JMJD1C: variants seen among roughly 807,000 people sequenced by gnomAD.
JMJD1C encodes the protein jumonji domain-containing protein 1C.
JMJD1C carries 31 observed loss-of-function variants against 245.3 expected under a neutral mutation model. That is an observed-to-expected ratio of 0.13 (90% CI 0.09 to 0.17). JMJD1C has a LOEUF of 0.17. Ranked by LOEUF, JMJD1C falls within the 10% of genes least tolerant of loss-of-function variation. The probability of loss-of-function intolerance (pLI) is 1.00; values close to 1 mark genes in which losing one functional copy is unlikely to be tolerated. For missense variants in JMJD1C, 2,691 were observed against 3,000.2 expected (o/e 0.90, Z 2.41); for synonymous variants, 1,057 against 1,017.4 (o/e 1.04, Z -0.74).
chr10:63,207,480 C>T lies in JMJD1C; in HGVS notation c.4189G>A (p.Asp1397Asn), dbSNP rs1846774666. Reference protein sequence around the residue: ...AVNTMCNTKTDVITSAADTTS... With the variant: ...AVNTMCNTKTNVITSAADTTS... Reference sequence around the variant, plus strand: ...GTATCGGCAGCAGATGTGATTACATCCGTTTTGGTATTACACATCGTATTT... The same window carrying T: ...GTATCGGCAGCAGATGTGATTACATTCGTTTTGGTATTACACATCGTATTT... Residue 1397 changes from aspartate to asparagine, a missense_variant, in exon 10 of 26, where the codon GAT (aspartate) becomes AAT (asparagine). By Grantham distance (23) the Asp-to-Asn change is conservative. Around this residue, in one of 9 missense-constraint regions of JMJD1C, gnomAD observed 1,562 missense variants for 1,490.7 expected, o/e 1.05. Coordinates refer to ENST00000399262, the MANE Select transcript of JMJD1C (RefSeq NM_032776.3). The T allele has an allele frequency of 6.2e-7, 1 of 1,614,178 alleles. No individual in the cohort carries two copies.
intron 1 of JMJD1C, among the ~76,000 whole-genome samples, chr10:63,444,539 G>A (rs1951581965): frequency 6.6e-6 from 1 of 152,038 alleles, no homozygotes; most frequent in Non-Finnish European, 1.5e-5. Context: ...CTCCCAAAGT[G>A]CTGGGATTAC....
chr10:63,380,441 C>T lies in JMJD1C; in HGVS notation c.210G>A (p.Glu70=). 1 of 1,613,920 alleles carries T rather than the reference C, an allele frequency of 6.2e-7. No homozygotes were observed. Among genetic ancestry groups the T allele is most frequent in the South Asian group, 1.1e-5 (1 of 91,068 alleles). ...EFDDLEWDKR[E]WVKVYEDFST... ...AAAAATCTTCATAAACTTTAACCCA[C>T]TCTCGTTTATCCCATTCAAGATCAT... The change falls in exon 2 of 26, where the codon GAG becomes GAA. Residue 70 remains glutamate (E), a synonymous_variant. Coordinates refer to ENST00000399262, the MANE Select transcript of JMJD1C (RefSeq NM_032776.3).
At chr10:63,444,737 T>C (rs1319843758) in intron 1 of JMJD1C, among the ~76,000 whole-genome samples, 3 of 151,892 alleles carry the variant, frequency 2.0e-5, no homozygotes, top group Non-Finnish European at 4.4e-5. Context: ...GTGATTCTCC[T>C]GCCTCAGCCT....
intron 1 of JMJD1C, among the ~76,000 whole-genome samples, chr10:63,491,560 T>C (rs890816025): frequency 6.6e-6 from 1 of 152,228 alleles, no homozygotes; most frequent in African/African-American, 2.4e-5. Flanking sequence ...CCTCTTTCCT[T>C]TCTATCTCCT....
chr10:63,449,957 T>C (rs564016461), intron 1 of JMJD1C, among the ~76,000 whole-genome samples: 13 of 151,760 alleles, frequency 8.6e-5, no homozygotes, highest in Admixed American at 6.6e-4. Flanking sequence ...CAAAAAAAAT[T>C]TAAAAATTAG....
chr10:63,430,023 GTTTA>G (rs1309052648), intron 1 of JMJD1C, among the ~76,000 whole-genome samples: 1 of 152,144 alleles, frequency 6.6e-6, no homozygotes, highest in African/African-American at 2.4e-5. Context: ...AAAAAATCAT[GTTTA>G]TTTATGCACA....
intron 3 of JMJD1C, among the ~76,000 whole-genome samples, chr10:63,234,510 A>ACAAAC (rs1564654868): frequency 1.3e-5 from 2 of 149,822 alleles, no homozygotes; most frequent in Admixed American, 6.6e-5. Context: ...AAAAAAAAAA[A>ACAAAC]AAAAAAAAAA....
chr10:63,356,763 G>A (rs1159070955), intron 2 of JMJD1C, among the ~76,000 whole-genome samples: 1 of 152,178 alleles, frequency 6.6e-6, no homozygotes, highest in Admixed American at 6.5e-5. Context: ...CTGAGAACAT[G>A]TAACAATCTG....
chr10:63,394,425 A>G (rs1366810253), intron 1 of JMJD1C, among the ~76,000 whole-genome samples: 1 of 152,234 alleles, frequency 6.6e-6, no homozygotes, highest in East Asian at 1.9e-4. Flanking sequence ...CTATATACAA[A>G]AATTAGACTG....
At position 63,316,322 on chromosome 10, in the gene JMJD1C, T is replaced by C. The variant is rs185626746; in HGVS notation, c.334-51558A>G. Among the ~76,000 whole-genome samples the C allele has an allele frequency of 2.7e-4, 41 of 152,376 alleles. 1 individual carries two copies. Among genetic ancestry groups the C allele is most frequent in the African/African-American group, 8.9e-4 (37 of 41,598 alleles). ...TCCGAAAGTAATGTGCCTTGATTCA[T>C]TGGCTGCTTTTGGCATTTTATACTT... On this transcript the variant is annotated intron_variant, in intron 2 of 25. Transcript: ENST00000399262.
chr10:63,407,917 AAGT>A (rs1234840544), intron 1 of JMJD1C, among the ~76,000 whole-genome samples: 1 of 152,082 alleles, frequency 6.6e-6, no homozygotes, highest in African/African-American at 2.4e-5. Context: ...AAATTTTTCC[AAGT>A]AGAACATAAA....
chr10:63,249,651 G>A (rs1852767540), intron 3 of JMJD1C, among the ~76,000 whole-genome samples: 1 of 152,120 alleles, frequency 6.6e-6, no homozygotes. Flanking sequence ...ACAAGGTCAG[G>A]AGTTCCAGAC....
chr10:63,303,060 C>T (rs7073753), intron 2 of JMJD1C, among the ~76,000 whole-genome samples: 58,381 of 151,500 alleles, frequency 0.39, 11,579 homozygotes, highest in South Asian at 0.5. Context: ...GAAACTTTCT[C>T]GAAACTCAAA....
At position 63,264,757 on chromosome 10, in the gene JMJD1C, T is replaced by C. The variant is rs773789566; in HGVS notation, c.341A>G (p.Lys114Arg). The C allele has an allele frequency of 8.4e-6, 13 of 1,546,946 alleles. No individual in the cohort carries two copies. The East Asian group carries it at 2.0e-4, about 24-fold the overall frequency. ...GGGTATATTTCTTTCAACCAGAGGT[T>C]TGAAAGTCTGCCAAGAAAAAAAAAA... ...KQIQWPALTF[K>R]PLVERNIPSS... Residue 114 changes from lysine (K) to arginine (R), a missense_variant, in exon 3 of 26, where the codon AAA (lysine) becomes AGA (arginine). By Grantham distance (26) the Lys-to-Arg change is conservative (BLOSUM62 2). Coordinates refer to ENST00000399262, the MANE Select transcript of JMJD1C (RefSeq NM_032776.3).
At position 63,214,097 on chromosome 10, in the gene JMJD1C, A is replaced by G; in HGVS notation, c.2070T>C (p.Pro690=). 1 of 1,614,212 alleles carries G rather than the reference A, an allele frequency of 6.2e-7. No homozygotes were observed. Among genetic ancestry groups the G allele is most frequent in the Non-Finnish European group, 8.5e-7 (1 of 1,180,008 alleles). Residue 690 remains proline, a synonymous_variant, in exon 8 of 26, where the codon CCT becomes CCC. Transcript: ENST00000399262. ...ELSRCSFHPI[P]TRSSTLETTK... is the part of the protein sequence containing the mutation. The stretch of plus-strand genomic sequence containing the variant: ...TAGTTTCTAATGTACTGCTTCGAGT[A>G]GGAATTGGATGAAAACTGCATCTTG...
At chr10:63,410,321 T>C (rs1000801671) in intron 1 of JMJD1C, among the ~76,000 whole-genome samples, 15 of 152,220 alleles carry the variant, frequency 9.9e-5, no homozygotes, top group African/African-American at 3.4e-4. Flanking sequence ...CATCTATGGA[T>C]TTCTCCTAAA....
intron 3 of JMJD1C, among the ~76,000 whole-genome samples, chr10:63,233,324 C>G (rs1171061863): frequency 6.6e-6 from 1 of 152,008 alleles, no homozygotes; most frequent in African/African-American, 2.4e-5. Flanking sequence ...GCATATTTCC[C>G]TAAGGATAAA....
rs1043580069 is a variant in JMJD1C at position 63,222,570 on chromosome 10, C to A, written c.448-2587G>T. 1.0e-5 allele frequency: 16 copies of A among 1,589,410 alleles called. No homozygotes were observed. In the African/African-American group the frequency reaches 2.0e-4, roughly 20 times the overall value. On this transcript the variant is annotated intron_variant, in intron 3 of 25. Transcript: ENST00000399262. ...TACTGTGAAAAACAGTTTGAACTGT[C>A]AGAACAAACAAAATTACCAATGTTT...
At chr10:63,452,413 T>C (rs1258579954) in intron 1 of JMJD1C, among the ~76,000 whole-genome samples, 3 of 152,216 alleles carry the variant, frequency 2.0e-5, no homozygotes, top group Non-Finnish European at 4.4e-5. Flanking sequence ...ATGGCTATTT[T>C]CAAACAACAC....
Sources: allele counts gnomAD v4.1 joint callset (sites outside exome capture counted in the v4.1 genomes callset), GRCh38; gene constraint gnomAD v4.1.1; regional missense constraint gnomAD v4.1.1; transcripts MANE v1.5; gene names NCBI Gene and HGNC (gene_info 2026-07-23, HGNC 2026-07-21).